The following INTS7 variants were observed in gnomAD, a reference collection of about 807,000 sequenced individuals.
INTS7 encodes chromosome 1 open reading frame 73.
In INTS7, 46 loss-of-function variants were observed where a neutral mutation model predicts 109.2. That is an observed-to-expected ratio of 0.42 (90% CI 0.33 to 0.54). The LOEUF is 0.54. Among genes scored for constraint, INTS7 ranks in the 20% least tolerant of loss-of-function variants. The pLI is 0.07. For synonymous variants in INTS7, 412 were observed against 402.9 expected (o/e 1.02, Z -0.27); for missense variants, 929 against 1,132.4 (o/e 0.82, Z 2.58).
chr1:211,954,045 A>G (rs1663240938), intron 16 of INTS7, among the ~76,000 whole-genome samples: 4 of 152,204 alleles, frequency 2.6e-5, no homozygotes, highest in Admixed American at 2.6e-4. Context: ...ATTTCTCCAC[A>G]TCCTCTCCAG....
At chr1:212,007,215 C>T in intron 6 of INTS7, 35 bp downstream of exon 6, 1 of 1,424,892 alleles carries the variant, frequency 7.0e-7, no homozygotes, top group Non-Finnish European at 9.9e-7. Flanking sequence ...TGTAAGTTTA[C>T]CAAAGATAGG....
chr1:212,035,420 A>C lies in INTS7; in HGVS notation c.18T>G (p.Thr6=). The C allele has an allele frequency of 6.2e-7, 1 of 1,613,780 alleles. No individual in the cohort carries two copies. Among genetic ancestry groups the C allele is most frequent in the Non-Finnish European group, 8.5e-7 (1 of 1,179,620 alleles). The change falls in exon 1 of 20, where the codon ACT becomes ACG. Residue 6 remains threonine, a synonymous_variant. Coordinates refer to ENST00000366994, the MANE Select transcript of INTS7 (RefSeq NM_015434.4). MASNS[T]KSFLADAGYG... The stretch of plus-strand genomic sequence containing the variant: ...AGCCGGCATCTGCCAGGAAAGACTT[A>C]GTTGAGTTTGACGCCATGACCCGAA...
chr1:211,997,375 G>T (rs543760469), intron 7 of INTS7, among the ~76,000 whole-genome samples: 1 of 151,474 alleles, frequency 6.6e-6, no homozygotes, highest in South Asian at 2.1e-4. Flanking sequence ...CAAAATACCA[G>T]CAATACAAAA....
At chr1:212,033,355 T>C (rs1441133807) in intron 1 of INTS7, among the ~76,000 whole-genome samples, 1 of 152,236 alleles carries the variant, frequency 6.6e-6, no homozygotes, top group East Asian at 1.9e-4. Context: ...CTTTAAAAGT[T>C]ACTACAGATG....
intron 8 of INTS7, among the ~76,000 whole-genome samples, chr1:211,983,209 CT>C (rs893888701): frequency 4.6e-5 from 7 of 150,864 alleles, no homozygotes; most frequent in Non-Finnish European, 1.0e-4. Context: ...TTTAAATTTG[CT>C]TTTTTTTTCC....
At chr1:212,030,593 T>G (rs984692502) in intron 1 of INTS7, 5 of 152,068 alleles carry the variant, frequency 3.3e-5, no homozygotes. Flanking sequence ...CCGGCCTAAT[T>G]CTATATGATT....
intron 5 of INTS7, among the ~76,000 whole-genome samples, chr1:212,007,946 G>T (rs930579813): frequency 1.3e-5 from 2 of 152,064 alleles, no homozygotes; most frequent in Non-Finnish European, 2.9e-5. Context: ...TTGCATACAC[G>T]ACTGGATCCA....
intron 1 of INTS7, chr1:212,025,634 G>A (rs1158745718): frequency 3.5e-5 from 7 of 202,214 alleles, no homozygotes; most frequent in Non-Finnish European, 6.4e-5. Context: ...ACAAAACCCA[G>A]AGAAGAGACT....
intron 7 of INTS7, among the ~76,000 whole-genome samples, chr1:211,992,468 A>C (rs2102445241): frequency 6.6e-6 from 1 of 152,268 alleles, no homozygotes; most frequent in South Asian, 2.1e-4. Context: ...CAGTCTCAGT[A>C]AATAAATATT....
intron 8 of INTS7, among the ~76,000 whole-genome samples, chr1:211,985,683 C>G (rs1353371093): frequency 1.3e-5 from 2 of 152,190 alleles, no homozygotes; most frequent in Non-Finnish European, 2.9e-5. Context: ...TGAGTTCAGG[C>G]CTAGGCTCAG....
intron 13 of INTS7, among the ~76,000 whole-genome samples, chr1:211,970,610 A>G (rs757326173): frequency 2.0e-4 from 31 of 152,250 alleles, no homozygotes; most frequent in Non-Finnish European, 3.8e-4. Flanking sequence ...CCAGTAAGAA[A>G]AAGACATAAA....
chr1:212,033,142 T>A (rs1667246576), intron 1 of INTS7, among the ~76,000 whole-genome samples: 1 of 152,170 alleles, frequency 6.6e-6, no homozygotes, highest in African/African-American at 2.4e-5. Context: ...TGAGTGTGTA[T>A]GCTGAGGTGG....
intron 11 of INTS7, 98 bp from the exon 12 acceptor site, chr1:211,976,817 T>C: frequency 9.2e-7 from 1 of 1,086,920 alleles, no homozygotes; most frequent in South Asian, 1.5e-5. Context: ...TAGAGCCCAC[T>C]GCAAAAGAAC....
At chr1:212,032,114 T>A (rs932258422) in intron 1 of INTS7, among the ~76,000 whole-genome samples, 1 of 152,200 alleles carries the variant, frequency 6.6e-6, no homozygotes, top group African/African-American at 2.4e-5. Flanking sequence ...ACCTCTAAGT[T>A]TTCTTGACCA....
intron 11 of INTS7, 76 bp from the exon 12 acceptor site, chr1:211,976,795 AG>A: frequency 7.1e-7 from 1 of 1,402,702 alleles, no homozygotes; most frequent in Non-Finnish European, 1.0e-6. Flanking sequence ...CCCCAAAGGG[AG>A]GAAAACTAAT....
intron 5 of INTS7, among the ~76,000 whole-genome samples, chr1:212,009,784 A>G (rs1403371610): frequency 6.6e-6 from 1 of 152,214 alleles, no homozygotes; most frequent in Non-Finnish European, 1.5e-5. Flanking sequence ...TGCTCAATGA[A>G]TAAGTGATGC....
At chr1:212,017,124 T>C in intron 3 of INTS7, 101 bp from the exon 4 acceptor site, 2 of 853,010 alleles carry the variant, frequency 2.3e-6, no homozygotes, top group South Asian at 2.2e-5. Flanking sequence ...CTAAAGTTTA[T>C]AGGTAATTCT....
At chr1:212,010,056 G>C (rs182993232) in intron 5 of INTS7, among the ~76,000 whole-genome samples, 1 of 152,146 alleles carries the variant, frequency 6.6e-6, no homozygotes, top group African/African-American at 2.4e-5. Flanking sequence ...TAAAAGCATC[G>C]GCCTCAAAGC....
At chr1:211,944,638 GC>G (rs1662772504) in intron 19 of INTS7, 145 bp downstream of exon 19, 2 of 651,004 alleles carry the variant, frequency 3.1e-6, no homozygotes, top group Admixed American at 5.4e-5. Context: ...ACCCCTTACA[GC>G]CCCAATGTGG....
Sources: allele counts gnomAD v4.1 joint callset (sites outside exome capture counted in the v4.1 genomes callset), GRCh38; gene constraint gnomAD v4.1.1; transcripts MANE v1.5; gene names NCBI Gene and HGNC (gene_info 2026-07-23, HGNC 2026-07-21).